MAP7D2: variants seen among roughly 807,000 people sequenced by gnomAD.
MAP7D2 encodes the protein MAP7 domain-containing protein 2.
A neutral mutation model predicts 63.5 loss-of-function variants in MAP7D2; 33 were observed. The observed-to-expected ratio is 0.52, with a 90% confidence interval of 0.39 to 0.70. The LOEUF (loss-of-function observed/expected upper bound fraction) is 0.70. Among genes scored for constraint, MAP7D2 ranks in the 30% least tolerant of loss-of-function variants. MAP7D2 has a pLI of 0.00. For missense variants in MAP7D2, 626 were observed against 604.0 expected, an observed-to-expected ratio of 1.04 and a Z score of -0.38; for synonymous variants, 224 against 223.7, an observed-to-expected ratio of 1.00 and a Z score of -0.01.
chrX:20,063,703 G>A (rs1476147984), intron 2 of MAP7D2, 126 bp from the exon 3 acceptor site: 1 of 731,979 alleles, frequency 1.4e-6, no homozygotes, highest in Non-Finnish European at 2.0e-6. Context: ...AGCATGCAGT[G>A]ATTGAGATAA....
At chrX:20,036,733 A>G (rs1339877824) in intron 8 of MAP7D2, among the ~76,000 whole-genome samples, 7 of 104,244 alleles carry the variant, frequency 6.7e-5, no homozygotes, top group African/African-American at 2.4e-4. Flanking sequence ...GTGAAACCCC[A>G]TCTCTACGAA....
rs2064740144 is a variant in MAP7D2, at chrX:20,044,389, G to A, written c.854C>T (p.Ala285Val). The A allele has an allele frequency of 8.3e-7, 1 of 1,211,403 alleles. No individual in the cohort carries two copies. Among genetic ancestry groups the A allele is most frequent in the Admixed American group, 2.2e-5 (1 of 45,973 alleles). ...TSGAGDVGKE[A>V]LSGGEASLVE... is the part of the protein sequence containing the mutation. ...CAGAGAGGCCTCTCCTCCTGAAAGGGCTTCTTTCCCAACATCTCCTGCACC... is the reference window on the plus strand; with the variant it reads ...CAGAGAGGCCTCTCCTCCTGAAAGGACTTCTTTCCCAACATCTCCTGCACC... Residue 285 changes from alanine (A) to valine (V), a missense_variant, in exon 7 of 17, where the codon GCC becomes GTC. Transcript: ENST00000379643.
At chrX:20,015,618 G>C (rs1417893469) in intron 11 of MAP7D2, among the ~76,000 whole-genome samples, 1 of 112,425 alleles carries the variant, frequency 8.9e-6, no homozygotes, top group Non-Finnish European at 1.9e-5. Context: ...CATGTGGCCA[G>C]ATCAGAGAGT....
At chrX:20,104,449 C>T (rs1420817396) in intron 1 of MAP7D2, among the ~76,000 whole-genome samples, 4 of 111,652 alleles carry the variant, frequency 3.6e-5, no homozygotes, top group Admixed American at 1.9e-4. Context: ...TACAGGCGTG[C>T]GCCACCACAC....
chrX:20,088,884 A>G (rs1459993753), intron 1 of MAP7D2, among the ~76,000 whole-genome samples: 2 of 109,782 alleles, frequency 1.8e-5, no homozygotes, highest in Admixed American at 2.0e-4. Flanking sequence ...CCCAGGCTGG[A>G]GTGCAGTGGC....
rs1038858788 is a variant in MAP7D2, at chrX:20,050,839, G to T, written c.703C>A (p.Gln235Lys). The T allele has an allele frequency of 3.4e-6, 4 of 1,191,793 alleles. No homozygotes were observed. In the African/African-American group the frequency reaches 7.0e-5, roughly 21 times the overall value. ...RSRASVMLSG[Q>K]ANDSVFHVCP... ...CCTCTTTTACCTGAATCATTGGCCT[G>T]CCCAGAGAGCATGACTGAAGCTCTG... The change falls in exon 6 of 17, where the codon CAG (glutamine) becomes AAG (lysine). Residue 235 changes from glutamine to lysine, a missense_variant. Transcript: ENST00000379643.
intron 3 of MAP7D2, 122 bp from the exon 4 acceptor site, chrX:20,056,913 C>G: frequency 1.8e-6 from 1 of 568,574 alleles, no homozygotes. Flanking sequence ...GCATCCAAAA[C>G]CCAGGCATAC....
At chrX:20,041,476 T>C (rs2064653844) in intron 8 of MAP7D2, among the ~76,000 whole-genome samples, 1 of 112,118 alleles carries the variant, frequency 8.9e-6, no homozygotes, top group Admixed American at 9.5e-5. Flanking sequence ...TAAAAAAAAT[T>C]ATTAATAGTA....
chrX:20,078,792 G>A (rs1001726884), intron 1 of MAP7D2, among the ~76,000 whole-genome samples: 7 of 110,649 alleles, frequency 6.3e-5, no homozygotes, highest in Admixed American at 4.9e-4. Context: ...GAAAGCATGA[G>A]TATTCCTTAA....
chrX:20,013,031 C>A (rs2073254427), intron 14 of MAP7D2, 23 bp downstream of exon 14: 1 of 1,181,433 alleles, frequency 8.5e-7, no homozygotes, highest in Non-Finnish European at 1.2e-6. Flanking sequence ...AGGAAGAACC[C>A]AAGAACCAGA....
chrX:20,016,880 C>T (rs183510334), intron 10 of MAP7D2, among the ~76,000 whole-genome samples: 6 of 112,126 alleles, frequency 5.4e-5, no homozygotes, highest in African/African-American at 1.9e-4. Context: ...TAAATTAAAA[C>T]CTCTATTTCC....
At chrX:20,052,455 A>G (rs775684169) in intron 5 of MAP7D2, 1 of 255,335 alleles carries the variant, frequency 3.9e-6, no homozygotes, top group Middle Eastern at 5.1e-4. Context: ...GCAGAACCCC[A>G]TTTTTTCACA....
chrX:20,012,256 GA>G (rs2073226605), intron 15 of MAP7D2, 92 bp downstream of exon 15: 1 of 684,828 alleles, frequency 1.5e-6, no homozygotes, highest in Admixed American at 3.3e-5. Flanking sequence ...TGCTTTAGGT[GA>G]TTTGGTTGTA....
chrX:20,113,690 T>C (rs917085360), intron 1 of MAP7D2, among the ~76,000 whole-genome samples: 2 of 111,458 alleles, frequency 1.8e-5, no homozygotes, highest in African/African-American at 6.5e-5. Context: ...ATTTTTAATT[T>C]TTGTGGCTAC....
intron 1 of MAP7D2, among the ~76,000 whole-genome samples, chrX:20,074,285 A>G (rs1266381434): frequency 9.0e-6 from 1 of 110,790 alleles, no homozygotes; most frequent in Non-Finnish European, 1.9e-5. Context: ...CCTGGGAGAG[A>G]GGAGGTGGGG....
At chrX:20,054,550 T>C (rs1482822522) in intron 4 of MAP7D2, among the ~76,000 whole-genome samples, 2 of 111,200 alleles carry the variant, frequency 1.8e-5, no homozygotes, top group Non-Finnish European at 3.8e-5. Flanking sequence ...TGGGTGCTGA[T>C]TCCCAGTGGG....
At chrX:20,068,942 T>C (rs1569109962) in intron 1 of MAP7D2, among the ~76,000 whole-genome samples, 1 of 111,862 alleles carries the variant, frequency 8.9e-6, no homozygotes, top group Non-Finnish European at 1.9e-5. Flanking sequence ...CATTTTCTCT[T>C]GCCGCTGCCA....
chrX:20,079,121 G>A (rs759439122), intron 1 of MAP7D2, among the ~76,000 whole-genome samples: 4 of 111,230 alleles, frequency 3.6e-5, no homozygotes, highest in East Asian at 5.7e-4. Context: ...CCAAAGCTAT[G>A]AAGAATAACC....
rs1189619316 is a variant in MAP7D2, at chrX:20,056,769, C to T, written c.395G>A (p.Arg132His). The T allele has an allele frequency of 4.1e-6, 5 of 1,210,816 alleles. No homozygotes were observed. The highest frequency in any genetic ancestry group is 3.4e-6 in the Non-Finnish European group (3 of 895,178). Residue 132 changes from arginine to histidine, a missense_variant, in exon 4 of 17, where the codon CGC (arginine) becomes CAC (histidine). Physicochemically the swap from Arg to His is conservative, Grantham distance 29. Coordinates refer to ENST00000379643, the MANE Select transcript of MAP7D2 (RefSeq NM_001168465.2). ...EEEERLEAMM[R>H]RSLERTQQLE... is the part of the protein sequence containing the mutation. Reference sequence around the variant, plus strand: ...CTGCTGTGTGCGCTCCAGGGACCGGCGCATCATCGCCTCCAGCCGTTCCTA... The same window carrying T: ...CTGCTGTGTGCGCTCCAGGGACCGGTGCATCATCGCCTCCAGCCGTTCCTA...
Sources: gnomAD v4.1 joint callset for allele counts (sites outside exome capture counted in the v4.1 genomes callset) on GRCh38, gnomAD v4.1.1 for gene constraint, MANE v1.5 for transcripts, NCBI Gene and HGNC (gene_info 2026-07-23, HGNC 2026-07-21) for gene names.